CWC27: variants seen among roughly 807,000 people sequenced by gnomAD.
CWC27 encodes CWC27 spliceosome associated cyclophilin.
In CWC27, 47 loss-of-function variants were observed where a neutral mutation model predicts 63.6. The observed-to-expected ratio is 0.74, with a 90% confidence interval of 0.58 to 0.94. The LOEUF (loss-of-function observed/expected upper bound fraction) is 0.94. Among genes scored for constraint, CWC27 ranks in the 40% least tolerant of loss-of-function variants. CWC27 has a pLI of 0.00. For synonymous variants in CWC27, 175 were observed against 179.8 expected, an observed-to-expected ratio of 0.97 and a Z score of 0.22; for missense variants, 495 against 554.3, an observed-to-expected ratio of 0.89 and a Z score of 1.07.
intron 1 of CWC27, among the ~76,000 whole-genome samples, chr5:64,771,292 A>C (rs751208082): frequency 6.6e-6 from 1 of 152,232 alleles, no homozygotes; most frequent in South Asian, 2.1e-4. Flanking sequence ...TGCCTTTACT[A>C]TCTAATGGTA....
At chr5:64,937,435 A>G (rs570906726) in intron 11 of CWC27, among the ~76,000 whole-genome samples, 1 of 152,266 alleles carries the variant, frequency 6.6e-6, no homozygotes, top group South Asian at 2.1e-4. Flanking sequence ...CTGGAGTTCT[A>G]ATTTGATTGC....
chr5:64,771,835 A>G (rs192071090), intron 1 of CWC27, among the ~76,000 whole-genome samples: 5 of 152,210 alleles, frequency 3.3e-5, no homozygotes, highest in Admixed American at 3.3e-4. Context: ...TTATTAATTC[A>G]GTAGCTTATT....
intron 10 of CWC27, among the ~76,000 whole-genome samples, chr5:64,882,486 A>T (rs1228982180): frequency 6.6e-6 from 1 of 152,098 alleles, no homozygotes; most frequent in Non-Finnish European, 1.5e-5. Flanking sequence ...AGTACAAAAG[A>T]GAGTGTTGAA....
chr5:64,869,750 A>T (rs34789638), intron 10 of CWC27, among the ~76,000 whole-genome samples: 48,517 of 151,762 alleles, frequency 0.32, 8,665 homozygotes, highest in Middle Eastern at 0.5. Flanking sequence ...ACAGATGATG[A>T]CCCCTGCTGT....
In CWC27 at chr5:64,859,190, T is replaced by C. The variant is rs72756892; in HGVS notation, c.939-26253T>C. On this transcript the variant is annotated intron_variant, in intron 10 of 13. Transcript: ENST00000381070. The stretch of plus-strand genomic sequence containing the variant: ...AGAACATAGTGCATGATTCTATTTA[T>C]TTGAATTGTTAGAAGTAGCAACTAA... Among the ~76,000 whole-genome samples, 1,463 of 152,314 alleles carry C rather than the reference T, an allele frequency of 9.6e-3. 10 individuals carry two copies. Among genetic ancestry groups the C allele is most frequent in the South Asian group, 0.021 (101 of 4,822 alleles).
chr5:64,863,770 T>A (rs1434434019), intron 10 of CWC27, among the ~76,000 whole-genome samples: 1 of 152,168 alleles, frequency 6.6e-6, no homozygotes, highest in East Asian at 1.9e-4. Context: ...GTTACAGGCA[T>A]GAGACACTGC....
Position 64,804,385 on chromosome 5 carries a change from A to C in CWC27, c.937A>C (p.Ser313Arg). 6.2e-7 allele frequency: 1 copy of C among 1,609,742 alleles called. No individual in the cohort carries two copies. Among genetic ancestry groups the C allele is most frequent in the Non-Finnish European group, 8.5e-7 (1 of 1,178,330 alleles). Reference protein sequence around the residue: ...GEVEKKSVSRSEELRKEARQL... With the variant: ...GEVEKKSVSRREELRKEARQL... The stretch of plus-strand genomic sequence containing the variant: ...AGTGGAGAAGAAATCAGTCAGCCGC[A>C]GGTGAGTCAGTTACTGTGCTAGATA... Residue 313 changes from serine (S) to arginine (R), a missense_variant and splice_region_variant, in exon 10 of 14, where the codon AGT becomes CGT. By Grantham distance (110) the Ser-to-Arg change is moderately radical. Coordinates refer to ENST00000381070, the MANE Select transcript of CWC27 (RefSeq NM_005869.4).
In CWC27 at chr5:64,992,009, C is replaced by T. The variant is rs147071424; in HGVS notation, c.1256+14771C>T. On this transcript the variant is annotated intron_variant, in intron 13 of 13. Transcript: ENST00000381070. The stretch of plus-strand genomic sequence containing the variant: ...TGCTTGACTAAAGTAAGTATATATC[C>T]TTTTCGTGCTTTTTCACTCTAACTC... Among the ~76,000 whole-genome samples the T allele has an allele frequency of 4.0e-3, 613 of 152,194 alleles. 6 individuals carry two copies. Among genetic ancestry groups the T allele is most frequent in the South Asian group, 9.3e-3 (45 of 4,820 alleles).
chr5:64,915,579 A>G (rs1444322146), intron 11 of CWC27, among the ~76,000 whole-genome samples: 2 of 152,082 alleles, frequency 1.3e-5, no homozygotes, highest in African/African-American at 4.8e-5. Flanking sequence ...CTAATAAATA[A>G]CTAAACATTC....
chr5:64,990,266 G>GTTTTTTTTTTTTTTTTTTTTTTTGT (rs70983657), intron 13 of CWC27, among the ~76,000 whole-genome samples: 1 of 33,222 alleles, frequency 3.0e-5, no homozygotes, highest in African/African-American at 1.1e-4. Flanking sequence ...TTTTTTTTTT[G>GTTTTTTTTTTTTTTTTTTTTTTTGT]TTTTTTTTTT....
chr5:64,780,833 T>TA (rs1743658567), intron 2 of CWC27, among the ~76,000 whole-genome samples: 1 of 151,978 alleles, frequency 6.6e-6, no homozygotes, highest in African/African-American at 2.4e-5. Context: ...TACCAACACT[T>TA]ATTCTTTTAA....
chr5:64,929,560 C>A (rs960438462), intron 11 of CWC27, among the ~76,000 whole-genome samples: 7 of 152,098 alleles, frequency 4.6e-5, no homozygotes, highest in Non-Finnish European at 1.5e-5. Flanking sequence ...TTTGAATAGA[C>A]ATTTCTCTGA....
chr5:64,873,183 C>T (rs970122104), intron 10 of CWC27, among the ~76,000 whole-genome samples: 6 of 152,020 alleles, frequency 3.9e-5, no homozygotes, highest in African/African-American at 9.7e-5. Context: ...TGTTTTGTTT[C>T]GTTCACTTAG....
At chr5:64,965,438 G>T (rs1013945800) in intron 11 of CWC27, among the ~76,000 whole-genome samples, 14 of 152,200 alleles carry the variant, frequency 9.2e-5, no homozygotes, top group Admixed American at 2.6e-4. Context: ...AGCAATTGAG[G>T]CATAGACAAC....
At chr5:64,769,277 C>T (rs2112129248) in intron 1 of CWC27, 89 bp downstream of exon 1, 1 of 1,185,166 alleles carries the variant, frequency 8.4e-7, no homozygotes, top group South Asian at 1.2e-5. Flanking sequence ...TTCAGGATCT[C>T]GTGGTAGGAA....
At chr5:64,948,272 G>A (rs1310192143) in intron 11 of CWC27, among the ~76,000 whole-genome samples, 1 of 151,872 alleles carries the variant, frequency 6.6e-6, no homozygotes, top group Non-Finnish European at 1.5e-5. Context: ...AAAAATCAGA[G>A]TATATCACAT....
intron 10 of CWC27, among the ~76,000 whole-genome samples, chr5:64,830,562 C>T (rs1376877924): frequency 6.6e-6 from 1 of 152,022 alleles, no homozygotes; most frequent in African/African-American, 2.4e-5. Flanking sequence ...CAACAAAAGC[C>T]AAAATTGACA....
intron 10 of CWC27, among the ~76,000 whole-genome samples, chr5:64,846,565 C>T (rs1035693810): frequency 6.6e-6 from 1 of 152,064 alleles, no homozygotes; most frequent in African/African-American, 2.4e-5. Context: ...AAGCAAAAAT[C>T]TTTAGTGGAA....
intron 10 of CWC27, among the ~76,000 whole-genome samples, chr5:64,846,887 G>A (rs542457000): frequency 2.5e-4 from 38 of 151,358 alleles, no homozygotes; most frequent in Admixed American, 1.3e-3. Flanking sequence ...CCAGCTACTC[G>A]GTAGGCTGAG....
Sources: gnomAD v4.1 joint callset for allele counts (sites outside exome capture counted in the v4.1 genomes callset) on GRCh38, gnomAD v4.1.1 for gene constraint, MANE v1.5 for transcripts, NCBI Gene and HGNC (gene_info 2026-07-23, HGNC 2026-07-21) for gene names.